The following MINAR1 variants were observed in gnomAD, a reference collection of about 807,000 sequenced individuals.
The protein encoded by MINAR1 is membrane integral NOTCH2 associated receptor 1, also known as major intrinsically disordered Notch2-binding receptor 1.
MINAR1 carries 40 observed loss-of-function variants against 65.1 expected under a neutral mutation model. The observed-to-expected ratio is 0.61, with a 90% CI of 0.48 to 0.80. The LOEUF (loss-of-function observed/expected upper bound fraction) is 0.80, where lower values mean the gene tolerates loss of function less well. Ranked by LOEUF, MINAR1 falls within the 30% of genes least tolerant of loss-of-function variation. The pLI, the probability that MINAR1 is intolerant of heterozygous loss-of-function variation, is 0.00. For missense variants in MINAR1, 1,128 were observed against 1,148.0 expected (o/e 0.98, Z 0.25); for synonymous variants, 482 against 449.1 (o/e 1.07, Z -0.93).
the MINAR1 span, chr15:79,413,471 A>T: frequency 6.6e-6 from 1 of 152,164 alleles, no homozygotes; most frequent in Non-Finnish European, 1.5e-5. Flanking sequence ...GCCTGTATTG[A>T]CTCCTTCAGT....
chr15:79,455,586 G>C (rs1056580440), intron 1 of MINAR1, among the ~76,000 whole-genome samples: 2 of 152,122 alleles, frequency 1.3e-5, no homozygotes, highest in Admixed American at 6.5e-5. Context: ...GGCAACCACT[G>C]ATCTGTCTTC....
At chr15:79,431,752 G>A (rs1894446003), upstream of MINAR1, among the ~76,000 whole-genome samples, 1 of 152,176 alleles carries the variant, frequency 6.6e-6, no homozygotes, top group Non-Finnish European at 1.5e-5. Context: ...TAGGGGAGTG[G>A]GGAGACGCGA....
chr15:79,442,423 T>G (rs941043667), intron 1 of MINAR1, among the ~76,000 whole-genome samples: 16 of 152,160 alleles, frequency 1.1e-4, no homozygotes, highest in African/African-American at 3.9e-4. Context: ...TACTTTCTAT[T>G]CTGTTCCATT....
the MINAR1 span, chr15:79,413,599 G>C: frequency 6.6e-6 from 1 of 152,256 alleles, no homozygotes; most frequent in Admixed American, 6.5e-5. Flanking sequence ...AGTGCTGAAG[G>C]TGTGTTCATT....
chr15:79,442,206 T>C (rs539124042), intron 1 of MINAR1, among the ~76,000 whole-genome samples: 1 of 152,214 alleles, frequency 6.6e-6, no homozygotes, highest in East Asian at 1.9e-4. Flanking sequence ...TGACTCGAAT[T>C]TTCTGCTTTA....
At chr15:79,416,454 T>C in the MINAR1 span, 1 of 152,340 alleles carries the variant, frequency 6.6e-6, no homozygotes, top group South Asian at 2.1e-4. Flanking sequence ...AGCAATGTGA[T>C]CTCTTTCCAG....
upstream of MINAR1, among the ~76,000 whole-genome samples, chr15:79,430,290 T>C (rs774435453): frequency 6.6e-6 from 1 of 151,958 alleles, no homozygotes; most frequent in Non-Finnish European, 1.5e-5. Flanking sequence ...GAAGCTATGG[T>C]TTTTCCTTCT....
intron 1 of MINAR1, among the ~76,000 whole-genome samples, chr15:79,450,801 T>C (rs1276874111): frequency 6.6e-6 from 1 of 152,218 alleles, no homozygotes; most frequent in African/African-American, 2.4e-5. Context: ...AAATACTCCT[T>C]TTTTATAACC....
intron 2 of MINAR1, among the ~76,000 whole-genome samples, chr15:79,461,942 C>T (rs1314963805): frequency 1.3e-5 from 2 of 152,214 alleles, no homozygotes; most frequent in African/African-American, 4.8e-5. Context: ...ACACGTGTGC[C>T]CACGTTCTTG....
intron 1 of MINAR1, among the ~76,000 whole-genome samples, chr15:79,432,986 C>T (rs971167469): frequency 1.3e-5 from 2 of 152,212 alleles, no homozygotes; most frequent in Admixed American, 6.5e-5. Context: ...GTGGACCGAC[C>T]GGTGCATCCA....
chr15:79,443,602 T>C (rs1311152165), intron 1 of MINAR1, among the ~76,000 whole-genome samples: 1 of 152,244 alleles, frequency 6.6e-6, no homozygotes, highest in African/African-American at 2.4e-5. Context: ...AATGATATGA[T>C]AGATCCATTC....
At chr15:79,462,167 G>A (rs999239535) in intron 2 of MINAR1, among the ~76,000 whole-genome samples, 2 of 152,082 alleles carry the variant, frequency 1.3e-5, no homozygotes, top group South Asian at 4.2e-4. Flanking sequence ...TTACGTTGCT[G>A]GAGAAGGGGA....
chr15:79,457,813 T>G lies in MINAR1; in HGVS notation c.1666T>G (p.Cys556Gly), dbSNP rs764354161. 2.5e-6 allele frequency: 4 copies of G among 1,614,146 alleles called. 1 individual carries two copies. The South Asian group carries it at 4.4e-5, about 18-fold the overall frequency. The change falls in exon 2 of 4, where the codon TGC (cysteine) becomes GGC (glycine). Residue 556 changes from cysteine to glycine, a missense_variant. Cys to Gly is a radical substitution (Grantham distance 159). Coordinates refer to ENST00000305428, the MANE Select transcript of MINAR1 (RefSeq NM_015206.3). ...GSLSQLHKSD[C>G]DSSPEHNLTK... ...CTTGTCTCAGCTCCATAAGTCAGAC[T>G]GCGACAGTTCCCCTGAGCACAACTT...
At chr15:79,440,716 G>C (rs1032927913) in intron 1 of MINAR1, among the ~76,000 whole-genome samples, 32 of 152,204 alleles carry the variant, frequency 2.1e-4, no homozygotes, top group African/African-American at 7.7e-4. Context: ...GCCTCCTTCA[G>C]GACCACATTC....
chr15:79,456,761 G>A lies in MINAR1; in HGVS notation c.614G>A (p.Ser205Asn), dbSNP rs1018754516. 15 of 1,614,034 alleles carry A rather than the reference G, an allele frequency of 9.3e-6. No individual in the cohort carries two copies. The highest frequency in any genetic ancestry group is 1.7e-5 in the Admixed American group (1 of 60,002). ...GCCCTGGCTCCGTACTCTGTGACCA[G>A]CCCTCAGCCCTGTGAGATGCAGAGG... is the stretch of plus-strand genomic sequence containing the variant. ...LQALAPYSVT[S>N]PQPCEMQRTY... is the part of the protein sequence containing the mutation. Residue 205 changes from serine to asparagine, a missense_variant, in exon 2 of 4, where the codon AGC (serine) becomes AAC (asparagine). Ser to Asn is a conservative substitution (Grantham distance 46). Coordinates refer to ENST00000305428, the MANE Select transcript of MINAR1 (RefSeq NM_015206.3).
chr15:79,411,823 A>C, the MINAR1 span: 1 of 273,420 alleles, frequency 3.7e-6, no homozygotes. Flanking sequence ...ATTTGCAATA[A>C]AGCATAGCCA....
At chr15:79,423,104 A>G in the MINAR1 span, 1 of 152,256 alleles carries the variant, frequency 6.6e-6, no homozygotes, top group Non-Finnish European at 1.5e-5. Context: ...CATTAAATAA[A>G]TTATGGTTAT....
rs371812078 is a variant in MINAR1, at chr15:79,457,434, G to A, written c.1287G>A (p.Ala429=). 104 of 1,614,028 alleles carry A rather than the reference G, an allele frequency of 6.4e-5. 1 individual carries two copies. The highest frequency in any genetic ancestry group is 6.1e-4 in the African/African-American group (46 of 74,892). The change falls in exon 2 of 4, where the codon GCG becomes GCA. Residue 429 remains alanine, a synonymous_variant. Coordinates refer to ENST00000305428, the MANE Select transcript of MINAR1 (RefSeq NM_015206.3). Reference sequence around the variant, plus strand: ...AGCCAATTCTCCCCATTGCTTATGCGGCAAAACAAAATGGGCTCAAATCTA... The same window carrying A: ...AGCCAATTCTCCCCATTGCTTATGCAGCAAAACAAAATGGGCTCAAATCTA... ...DQQPILPIAY[A]AKQNGLKSKE...
At chr15:79,452,733 T>G (rs954359665) in intron 1 of MINAR1, among the ~76,000 whole-genome samples, 7 of 103,178 alleles carry the variant, frequency 6.8e-5, no homozygotes, top group East Asian at 4.7e-4. Flanking sequence ...TGAGTCTGTG[T>G]GGGTGTGTGG....
Sources: gnomAD v4.1 joint callset for allele counts (sites outside exome capture counted in the v4.1 genomes callset) on GRCh38, gnomAD v4.1.1 for gene constraint, MANE v1.5 for transcripts, NCBI Gene and HGNC (gene_info 2026-07-23, HGNC 2026-07-21) for gene names.